TRMT9B: variants seen among roughly 807,000 people sequenced by gnomAD.
The protein encoded by TRMT9B is probable tRNA methyltransferase 9B.
A neutral mutation model predicts 11.5 loss-of-function variants in TRMT9B; 16 were observed. That is an observed-to-expected ratio of 1.39 (90% CI 0.94 to 2.11). The LOEUF (loss-of-function observed/expected upper bound fraction) is 2.11. Among genes scored for constraint, TRMT9B ranks in the 30% most tolerant of loss-of-function variants. The pLI is 0.00. For missense variants in TRMT9B, 941 were observed against 553.8 expected, an observed-to-expected ratio of 1.70 and a Z score of -7.02; for synonymous variants, 274 against 192.4, an observed-to-expected ratio of 1.42 and a Z score of -3.51.
intron 1 of TRMT9B, among the ~76,000 whole-genome samples, chr8:12,983,906 A>G (rs1327075654): frequency 6.6e-6 from 1 of 152,166 alleles, no homozygotes; most frequent in Non-Finnish European, 1.5e-5. Context: ...GGCTACCCTG[A>G]ACACTTTTTT....
At chr8:13,000,742 C>T (rs922333355) in intron 2 of TRMT9B, among the ~76,000 whole-genome samples, 2 of 152,168 alleles carry the variant, frequency 1.3e-5, no homozygotes, top group South Asian at 2.1e-4. Flanking sequence ...TGTCAGCATC[C>T]TTGCACGCTA....
intron 2 of TRMT9B, among the ~76,000 whole-genome samples, chr8:13,002,770 A>G (rs151151751): frequency 1.3e-5 from 2 of 152,318 alleles, no homozygotes; most frequent in Admixed American, 6.5e-5. Context: ...CAATATTTGC[A>G]TAGTCTCAAA....
rs976463554 is a variant in TRMT9B at position 13,022,803 on chromosome 8, G to A, written c.*759G>A. 2 of 165,550 alleles carry A rather than the reference G, an allele frequency of 1.2e-5. No homozygotes were observed. The highest frequency in any genetic ancestry group is 3.9e-4 in the East Asian group (2 of 5,188). The allele number at this position is 165,550 out of a possible 1,614,324, so 10.3% of individuals were successfully genotyped here. On this transcript the variant is annotated 3_prime_UTR_variant, in exon 5 of 5. Coordinates refer to ENST00000524591, the MANE Select transcript of TRMT9B (RefSeq NM_020844.3). ...ACCCAGGAGTTCAAGAATAGCCTGG[G>A]CAACATAGCAAGACCCCATCTCTAT...
intron 4 of TRMT9B, among the ~76,000 whole-genome samples, chr8:13,017,029 T>A (rs1338761917): frequency 6.6e-6 from 1 of 150,714 alleles, no homozygotes; most frequent in Non-Finnish European, 1.5e-5. Context: ...GAGGCTGAGG[T>A]AGAAGAATTG....
At chr8:13,006,422 G>T (rs1258764920) in intron 3 of TRMT9B, 66 bp downstream of exon 3, 1 of 1,530,676 alleles carries the variant, frequency 6.5e-7, no homozygotes, top group East Asian at 2.4e-5. Flanking sequence ...TAGGTAACCA[G>T]GCAGCCTCAT....
intron 1 of TRMT9B, among the ~76,000 whole-genome samples, chr8:12,967,508 A>G (rs1230368689): frequency 6.6e-6 from 1 of 152,236 alleles, no homozygotes; most frequent in Non-Finnish European, 1.5e-5. Flanking sequence ...ATTAAAAAGG[A>G]TGACATTCTC....
chr8:12,952,750 G>C, intron 1 of TRMT9B: 2 of 885,858 alleles, frequency 2.3e-6, no homozygotes, highest in Non-Finnish European at 2.7e-6. Context: ...GGTTTTTTTT[G>C]TTGTTGTTTG....
chr8:12,961,061 A>G lies in TRMT9B; in HGVS notation c.-200+15095A>G, dbSNP rs1006313452. Among the ~76,000 whole-genome samples the G allele has an allele frequency of 6.1e-4, 93 of 152,056 alleles. 2 individuals are homozygous for G. The highest frequency in any genetic ancestry group is 7.4e-5 in the Non-Finnish European group (5 of 68,002). ...GAGGCTGAGGCAGGAGAATCGCTTGAACCCGGGAAGTGGAGGTTGCAGTGA... is the reference window on the plus strand; with the variant it reads ...GAGGCTGAGGCAGGAGAATCGCTTGGACCCGGGAAGTGGAGGTTGCAGTGA... On this transcript the variant is annotated intron_variant, in intron 1 of 4. Coordinates refer to ENST00000524591, the MANE Select transcript of TRMT9B (RefSeq NM_020844.3).
At chr8:12,947,821 G>C (rs182582331) in intron 1 of TRMT9B, among the ~76,000 whole-genome samples, 2 of 152,334 alleles carry the variant, frequency 1.3e-5, no homozygotes, top group Admixed American at 1.3e-4. Flanking sequence ...GGACATGCTA[G>C]ATAGCTCCTT....
chr8:12,979,371 A>G (rs1804987252), intron 1 of TRMT9B, among the ~76,000 whole-genome samples: 1 of 152,182 alleles, frequency 6.6e-6, no homozygotes, highest in Admixed American at 6.5e-5. Context: ...TTCAAGAGAT[A>G]AGACAATCAA....
intron 3 of TRMT9B, 178 bp downstream of exon 3, chr8:13,006,534 T>C (rs1810513516): frequency 2.8e-6 from 4 of 1,436,794 alleles, no homozygotes; most frequent in Admixed American, 2.8e-5. Context: ...CTTTTCACAT[T>C]GATTTTTCAT....
Position 13,002,126 on chromosome 8 carries a change from T to G in TRMT9B, c.-1-4076T>G, listed in dbSNP as rs181357901. Among the ~76,000 whole-genome samples the G allele has an allele frequency of 2.3e-3, 356 of 152,326 alleles. 1 individual carries two copies. Among genetic ancestry groups the G allele is most frequent in the Middle Eastern group, 0.01 (3 of 294 alleles). On this transcript the variant is annotated intron_variant, in intron 2 of 4. Coordinates refer to ENST00000524591, the MANE Select transcript of TRMT9B (RefSeq NM_020844.3). ...ACTTAAAAATAACTATCTTTTAGGT[T>G]ACCCGATGGTAGTAGAGGCCATAGA...
At chr8:12,966,120 G>A (rs1227528844) in intron 1 of TRMT9B, among the ~76,000 whole-genome samples, 2 of 151,106 alleles carry the variant, frequency 1.3e-5, no homozygotes, top group African/African-American at 4.9e-5. Flanking sequence ...GAGCCCAGGA[G>A]TTCAAGACCA....
At chr8:13,016,981 G>T (rs751576517) in intron 4 of TRMT9B, among the ~76,000 whole-genome samples, 1 of 151,232 alleles carries the variant, frequency 6.6e-6, no homozygotes, top group African/African-American at 2.4e-5. Flanking sequence ...AAACTTGGCC[G>T]GGCATAGTAG....
At chr8:12,946,756 G>T (rs529369384) in intron 1 of TRMT9B, among the ~76,000 whole-genome samples, 5 of 152,276 alleles carry the variant, frequency 3.3e-5, no homozygotes, top group Non-Finnish European at 7.4e-5. Context: ...GAAATGATGA[G>T]ACTTGGCAGG....
In TRMT9B at chr8:13,021,035, G is replaced by C. The variant is rs1316827603; in HGVS notation, c.356G>C (p.Arg119Thr). 1 of 1,564,446 alleles carries C rather than the reference G, an allele frequency of 6.4e-7. No homozygotes were observed. The highest frequency in any genetic ancestry group is 8.6e-7 in the Non-Finnish European group (1 of 1,156,978). ...ATACATCATTTTTCTACAAAACAAA[G>C]AAGAATCAGAGCAATAAAAGAAATG... ...GVIHHFSTKQ[R>T]RIRAIKEMAR... The change falls in exon 5 of 5, where the codon AGA becomes ACA. Residue 119 changes from arginine to threonine, a missense_variant. Physicochemically the swap from Arg to Thr is moderately conservative, Grantham distance 71. Coordinates refer to ENST00000524591, the MANE Select transcript of TRMT9B (RefSeq NM_020844.3).
chr8:13,021,443 C>G lies in TRMT9B; in HGVS notation c.764C>G (p.Ser255Cys), dbSNP rs371491254. Residue 255 changes from serine (S) to cysteine (C), a missense_variant, in exon 5 of 5, where the codon TCT becomes TGT. By Grantham distance (112) the Ser-to-Cys change is moderately radical (BLOSUM62 -1). Transcript: ENST00000524591. ...KSFRSWFFSR[S>C]LDESTLRKQI... is the part of the protein sequence containing the mutation. ...TTTCGTTCCTGGTTTTTCTCCAGATCTTTGGATGAATCGACTCTGAGGAAG... is the reference window on the plus strand; with the variant it reads ...TTTCGTTCCTGGTTTTTCTCCAGATGTTTGGATGAATCGACTCTGAGGAAG... 39 of 1,613,834 alleles carry G rather than the reference C, an allele frequency of 2.4e-5. No individual in the cohort carries two copies. Among genetic ancestry groups the G allele is most frequent in the Non-Finnish European group, 3.3e-5 (39 of 1,179,878 alleles).
At chr8:13,017,099 G>C (rs576878509) in intron 4 of TRMT9B, among the ~76,000 whole-genome samples, 2 of 143,720 alleles carry the variant, frequency 1.4e-5, no homozygotes, top group Non-Finnish European at 3.1e-5. Context: ...CTCCAGCCTG[G>C]GCGACAGAGC....
chr8:12,961,268 T>G (rs1802062718), intron 1 of TRMT9B, among the ~76,000 whole-genome samples: 1 of 152,190 alleles, frequency 6.6e-6, no homozygotes, highest in Non-Finnish European at 1.5e-5. Context: ...CCTACGAATG[T>G]TAGTTAATAA....
Sources: gnomAD v4.1 joint callset for allele counts (sites outside exome capture counted in the v4.1 genomes callset) on GRCh38, gnomAD v4.1.1 for gene constraint, MANE v1.5 for transcripts, NCBI Gene and HGNC (gene_info 2026-07-23, HGNC 2026-07-21) for gene names.